MRPL51: variants seen among roughly 807,000 people sequenced by gnomAD.
MRPL51 encodes mitochondrial ribosomal protein L51, also known as large ribosomal subunit protein mL51.
MRPL51 carries 6 observed loss-of-function variants against 15.0 expected under a neutral mutation model. The ratio of observed to expected loss-of-function variants is 0.40; its 90% CI spans 0.22 to 0.79. MRPL51 has a LOEUF of 0.79. MRPL51 is among the 30% of genes least tolerant of loss of function. The pLI is 0.36. For missense variants in MRPL51, 155 were observed against 166.4 expected (o/e 0.93, Z 0.38); for synonymous variants, 65 against 58.3 (o/e 1.11, Z -0.52).
chr12:6,492,629 T>C (rs541297713), intron 2 of MRPL51, among the ~76,000 whole-genome samples, 162 bp from the exon 3 acceptor site: 4 of 152,074 alleles, frequency 2.6e-5, no homozygotes, highest in Non-Finnish European at 5.9e-5. Flanking sequence ...CTGCTTGGGG[T>C]TAAAATTCTG....
intron 2 of MRPL51, among the ~76,000 whole-genome samples, 178 bp from the exon 3 acceptor site, chr12:6,492,645 G>T (rs1426459956): frequency 6.6e-6 from 1 of 152,168 alleles, no homozygotes; most frequent in Non-Finnish European, 1.5e-5. Flanking sequence ...TTCTGATGCT[G>T]CCATTTATTA....
Position 6,492,928 on chromosome 12 carries a change from T to C in MRPL51, c.124A>G (p.Lys42Glu), listed in dbSNP as rs776093164. The change falls in exon 2 of 3, where the codon AAA (lysine) becomes GAA (glutamate). Residue 42 changes from lysine (K) to glutamate (E), a missense_variant. Coordinates refer to ENST00000229238, the MANE Select transcript of MRPL51 (RefSeq NM_016497.4). Reference sequence around the variant, plus strand: ...TTCTCGTTCCAACGATCAACCACTTTGGGGGGCGGGAGAGTGAGCCTTATA... The same window carrying C: ...TTCTCGTTCCAACGATCAACCACTTCGGGGGGCGGGAGAGTGAGCCTTATA... ...IGIRLTLPPPKVVDRWNEKRA... is the reference protein window; with the variant it reads ...IGIRLTLPPPEVVDRWNEKRA... 8.1e-6 allele frequency: 13 copies of C among 1,613,848 alleles called. No homozygotes were observed. In the African/African-American group the frequency reaches 1.6e-4, roughly 20 times the overall value.
In MRPL51 at chr12:6,492,153, C is replaced by T. The variant is rs148689307; in HGVS notation, c.*118G>A. ...ACAAAAGTATGTGGCTATCAAATTC[C>T]AAAGAAGCCCCATTTTATTACAGAG... On this transcript the variant is annotated 3_prime_UTR_variant, in exon 3 of 3. Coordinates refer to ENST00000229238, the MANE Select transcript of MRPL51 (RefSeq NM_016497.4). The T allele has an allele frequency of 1.1e-4, 121 of 1,117,480 alleles. No homozygotes were observed. In the Middle Eastern group the frequency reaches 1.7e-3, roughly 16 times the overall value. 69.2% of individuals were successfully genotyped at this position (1,117,480 alleles called of 1,614,324 possible).
rs199914835 is a variant in MRPL51, at chr12:6,493,182, A to T, written c.-46T>A. 7 of 1,604,270 alleles carry T rather than the reference A, an allele frequency of 4.4e-6. No homozygotes were observed. The highest frequency in any genetic ancestry group is 6.0e-6 in the Non-Finnish European group (7 of 1,173,924). On this transcript the variant is annotated 5_prime_UTR_variant, in exon 1 of 3. Coordinates refer to ENST00000229238, the MANE Select transcript of MRPL51 (RefSeq NM_016497.4). ...AACAGCACACCAAATAAGCCCAAGA[A>T]GATGACAGGAACCGTCCCCGCCAAC...
At chr12:6,492,500 G>C in intron 2 of MRPL51, 33 bp from the exon 3 acceptor site, 1 of 1,564,516 alleles carries the variant, frequency 6.4e-7, no homozygotes, top group Non-Finnish European at 8.6e-7. Flanking sequence ...TTAGATCCAA[G>C]ACAAGAGAAC....
At position 6,493,213 on chromosome 12, in the gene MRPL51, A is replaced by C. The variant is rs1945939525; in HGVS notation, c.-77T>G. The C allele has an allele frequency of 1.3e-6, 2 of 1,506,272 alleles. No homozygotes were observed. The highest frequency in any genetic ancestry group is 2.3e-5 in the East Asian group (1 of 43,616). 93.3% of individuals were successfully genotyped at this position (1,506,272 alleles called of 1,614,324 possible). A position where few individuals can be genotyped will look rare whatever the true frequency, so the allele number is the denominator to read the frequency against. On this transcript the variant is annotated 5_prime_UTR_variant, in exon 1 of 3. Transcript: ENST00000229238. ...CAGGAACCGTCCCCGCCAACTTCACACGAGTACTAAGGCGAAGACAGCCAT... is the reference window on the plus strand; with the variant it reads ...CAGGAACCGTCCCCGCCAACTTCACCCGAGTACTAAGGCGAAGACAGCCAT...
Position 6,493,151 on chromosome 12 carries a change from C to G in MRPL51, c.-15G>C. 1 of 1,611,954 alleles carries G rather than the reference C, an allele frequency of 6.2e-7. No individual in the cohort carries two copies. The highest frequency in any genetic ancestry group is 8.5e-7 in the Non-Finnish European group (1 of 1,179,826). ...TTCCCTGCCATTTCTCTAGTCTCCC[C>G]CCTTCAACAGCACACCAAATAAGCC... is the stretch of plus-strand genomic sequence containing the variant. On this transcript the variant is annotated 5_prime_UTR_variant, in exon 1 of 3. Transcript: ENST00000229238.
At position 6,492,910 on chromosome 12, in the gene MRPL51, T is replaced by A. The variant is rs1007178680; in HGVS notation, c.142A>T (p.Asn48Tyr). 3.7e-6 allele frequency: 6 copies of A among 1,614,106 alleles called. No homozygotes were observed. The highest frequency in any genetic ancestry group is 1.7e-5 in the Admixed American group (1 of 60,012). The change falls in exon 2 of 3, where the codon AAC becomes TAC. Residue 48 changes from asparagine to tyrosine, a missense_variant. Physicochemically the swap from Asn to Tyr is moderately radical, Grantham distance 143. Coordinates refer to ENST00000229238, the MANE Select transcript of MRPL51 (RefSeq NM_016497.4). ...LPPPKVVDRWNEKRAMFGVYD... is the reference protein window; with the variant it reads ...LPPPKVVDRWYEKRAMFGVYD... The stretch of plus-strand genomic sequence containing the variant: ...ACTCCGAACATGGCCCTTTTCTCGT[T>A]CCAACGATCAACCACTTTGGGGGGC...
At position 6,493,228 on chromosome 12, in the gene MRPL51, A is replaced by G; in HGVS notation, c.-92T>C. On this transcript the variant is annotated 5_prime_UTR_variant, in exon 1 of 3. Transcript: ENST00000229238. ...CCAACTTCACACGAGTACTAAGGCGAAGACAGCCATCTTGGGCCTTACCCA... is the reference window on the plus strand; with the variant it reads ...CCAACTTCACACGAGTACTAAGGCGGAGACAGCCATCTTGGGCCTTACCCA... The G allele has an allele frequency of 7.2e-7, 1 of 1,395,162 alleles. No individual in the cohort carries two copies. The highest frequency in any genetic ancestry group is 1.2e-5 in the South Asian group (1 of 83,166). 86.4% of individuals were successfully genotyped at this position (1,395,162 alleles called of 1,614,324 possible).
chr12:6,493,201 C>A lies in MRPL51; in HGVS notation c.-65G>T, dbSNP rs11559082. On this transcript the variant is annotated 5_prime_UTR_variant, in exon 1 of 3. Transcript: ENST00000229238. ...CCAAGAAGATGACAGGAACCGTCCC[C>A]GCCAACTTCACACGAGTACTAAGGC... 16 of 1,567,636 alleles carry A rather than the reference C, an allele frequency of 1.0e-5. No homozygotes were observed. The East Asian group carries it at 3.6e-4, about 35-fold the overall frequency.
In MRPL51 at chr12:6,492,037, A is replaced by G; in HGVS notation, c.*234T>C. 1 of 462,786 alleles carries G rather than the reference A, an allele frequency of 2.2e-6. No individual in the cohort carries two copies. Among genetic ancestry groups the G allele is most frequent in the Admixed American group, 3.9e-5 (1 of 25,734 alleles). The allele number at this position is 462,786 out of a possible 1,614,324, so 28.7% of individuals were successfully genotyped here. On this transcript the variant is annotated 3_prime_UTR_variant, in exon 3 of 3. Coordinates refer to ENST00000229238, the MANE Select transcript of MRPL51 (RefSeq NM_016497.4). ...TAGGTATAGCTAGACTGTAAAAGGC[A>G]AGTGGTGTGAAGCCCAAACCTAAGA...
At chr12:6,492,546 G>C in intron 2 of MRPL51, 79 bp from the exon 3 acceptor site, 1 of 1,402,676 alleles carries the variant, frequency 7.1e-7, no homozygotes, top group Non-Finnish European at 9.7e-7. Flanking sequence ...ACCCACGGTT[G>C]CATCTTGCTG....
At chr12:6,493,006 C>T (rs371953115) in intron 1 of MRPL51, 34 bp from the exon 2 acceptor site, 1 of 1,613,520 alleles carries the variant, frequency 6.2e-7, no homozygotes, top group Non-Finnish European at 8.5e-7. Flanking sequence ...TTAATCTGAG[C>T]CGCCTATTAT....
Position 6,492,987 on chromosome 12 carries a change from G to T in MRPL51, c.80-15C>A. ...TCTAGGCACACCTGGGGATGGGGAA[G>T]GGAGGGAATTAATCTGAGCCGCCTA... On this transcript the variant is annotated splice_polypyrimidine_tract_variant and intron_variant, in intron 1 of 2. Transcript: ENST00000229238. 6.2e-7 allele frequency: 1 copy of T among 1,613,426 alleles called. No individual in the cohort carries two copies. The highest frequency in any genetic ancestry group is 8.5e-7 in the Non-Finnish European group (1 of 1,179,406).
chr12:6,492,895 T>C lies in MRPL51; in HGVS notation c.157A>G (p.Met53Val), dbSNP rs891363376. ...CCGATGTTGTCATACACTCCGAACA[T>C]GGCCCTTTTCTCGTTCCAACGATCA... Reference protein sequence around the residue: ...VVDRWNEKRAMFGVYDNIGIL... With the variant: ...VVDRWNEKRAVFGVYDNIGIL... The change falls in exon 2 of 3, where the codon ATG becomes GTG. Residue 53 changes from methionine to valine, a missense_variant. Coordinates refer to ENST00000229238, the MANE Select transcript of MRPL51 (RefSeq NM_016497.4). 8 of 1,613,828 alleles carry C rather than the reference T, an allele frequency of 5.0e-6. No homozygotes were observed. Among genetic ancestry groups the C allele is most frequent in the African/African-American group, 1.3e-5 (1 of 74,894 alleles).
At chr12:6,492,631 A>G (rs568775095) in intron 2 of MRPL51, among the ~76,000 whole-genome samples, 164 bp from the exon 3 acceptor site, 2 of 152,316 alleles carry the variant, frequency 1.3e-5, no homozygotes, top group African/African-American at 2.4e-5. Context: ...GCTTGGGGTT[A>G]AAATTCTGAT....
rs1442807639 is a variant in MRPL51 at position 6,492,026 on chromosome 12, C to G, written c.*245G>C. On this transcript the variant is annotated 3_prime_UTR_variant, in exon 3 of 3. Transcript: ENST00000229238. ...TTTAAAGGAATTAGGTATAGCTAGA[C>G]TGTAAAAGGCAAGTGGTGTGAAGCC... 1 of 439,744 alleles carries G rather than the reference C, an allele frequency of 2.3e-6. No homozygotes were observed. Among genetic ancestry groups the G allele is most frequent in the Admixed American group, 4.0e-5 (1 of 25,248 alleles). 27.2% of individuals were successfully genotyped at this position (439,744 alleles called of 1,614,324 possible).
rs758523942 is a variant in MRPL51, at chr12:6,493,068, G to T, written c.69C>A (p.Ser23Arg). 25 of 1,613,492 alleles carry T rather than the reference G, an allele frequency of 1.5e-5. 1 individual carries two copies. Reference sequence around the variant, plus strand: ...ACATCAGCCACTTACCAAGAGAGAAGCTTCTGCACGCCAGAGGCACCCAGT... The same window carrying T: ...ACATCAGCCACTTACCAAGAGAGAATCTTCTGCACGCCAGAGGCACCCAGT... Reference protein sequence around the residue: ...LWDWVPLACRSFSLGVPRLIG... With the variant: ...LWDWVPLACRRFSLGVPRLIG... Residue 23 changes from serine (S) to arginine (R), a missense_variant, in exon 1 of 3, where the codon AGC becomes AGA. Coordinates refer to ENST00000229238, the MANE Select transcript of MRPL51 (RefSeq NM_016497.4).
At chr12:6,492,604 G>C in intron 2 of MRPL51, 137 bp from the exon 3 acceptor site, 2 of 948,076 alleles carry the variant, frequency 2.1e-6, no homozygotes, top group Non-Finnish European at 1.6e-6. Context: ...CAATAGCACA[G>C]ACTCTGGAGC....
Sources: gnomAD v4.1 joint callset for allele counts (sites outside exome capture counted in the v4.1 genomes callset) on GRCh38, gnomAD v4.1.1 for gene constraint, MANE v1.5 for transcripts, NCBI Gene and HGNC (gene_info 2026-07-23, HGNC 2026-07-21) for gene names.